Variants in TNKS observed in about 807,000 individuals in gnomAD.
TNKS encodes tankyrase.
Under a neutral mutation model 135.8 loss-of-function variants are expected in TNKS, and 72 were observed. That is an observed-to-expected ratio of 0.53 (90% CI 0.44 to 0.64). The LOEUF is 0.64. Ranked by LOEUF, TNKS falls within the 30% of genes least tolerant of loss-of-function variation. TNKS has a pLI of 0.00. For missense variants in TNKS, 1,769 were observed against 1,674.0 expected (o/e 1.06, Z -0.99); for synonymous variants, 849 against 649.3 (o/e 1.31, Z -4.68).
At chr8:9,694,828 A>G (rs1803440739) in intron 5 of TNKS, among the ~76,000 whole-genome samples, 1 of 152,054 alleles carries the variant, frequency 6.6e-6, no homozygotes, top group Non-Finnish European at 1.5e-5. Context: ...TATATGGAAC[A>G]TTGGTATTTT....
At chr8:9,586,011 G>C (rs905258566) in intron 2 of TNKS, among the ~76,000 whole-genome samples, 6 of 152,024 alleles carry the variant, frequency 3.9e-5, no homozygotes, top group Non-Finnish European at 7.4e-5. Context: ...TTGTTAAGAG[G>C]ATTAAATGAG....
At chr8:9,601,114 CATAT>C (rs1798999883) in intron 2 of TNKS, among the ~76,000 whole-genome samples, 2 of 152,036 alleles carry the variant, frequency 1.3e-5, no homozygotes, top group Admixed American at 1.3e-4. Flanking sequence ...AAAAATAACA[CATAT>C]ATGTAATAAA....
chr8:9,726,538 C>G (rs1296011017), intron 12 of TNKS, 103 bp from the exon 13 acceptor site: 4 of 750,630 alleles, frequency 5.3e-6, no homozygotes, highest in African/African-American at 1.8e-5. Flanking sequence ...TCCTCCTGAA[C>G]TACTTTGCAA....
chr8:9,560,523 T>C (rs967658691), intron 1 of TNKS, among the ~76,000 whole-genome samples: 16 of 124,190 alleles, frequency 1.3e-4, no homozygotes, highest in Non-Finnish European at 1.9e-4. Context: ...TTTTTTTTTT[T>C]CATTTCTCGC....
intron 1 of TNKS, among the ~76,000 whole-genome samples, chr8:9,571,655 C>T (rs1207540028): frequency 6.6e-6 from 1 of 152,092 alleles, no homozygotes; most frequent in Non-Finnish European, 1.5e-5. Context: ...GACGGGGTTT[C>T]ACCGTGTTAG....
At chr8:9,754,342 T>C (rs938387928) in intron 20 of TNKS, among the ~76,000 whole-genome samples, 6 of 152,222 alleles carry the variant, frequency 3.9e-5, no homozygotes, top group Non-Finnish European at 7.3e-5. Context: ...AGAATAAATC[T>C]GTTTTTTCAA....
intron 2 of TNKS, among the ~76,000 whole-genome samples, chr8:9,612,724 T>C (rs1391355929): frequency 2.0e-5 from 3 of 152,178 alleles, no homozygotes; most frequent in African/African-American, 7.2e-5. Context: ...ATGAGGACCC[T>C]TGAACAATGC....
chr8:9,577,493 C>A (rs915224365), intron 1 of TNKS, among the ~76,000 whole-genome samples: 1 of 151,830 alleles, frequency 6.6e-6, no homozygotes, highest in Non-Finnish European at 1.5e-5. Flanking sequence ...ACAGTCGTGA[C>A]GGGAGGTGAA....
chr8:9,682,565 C>T (rs1802826247), intron 5 of TNKS, among the ~76,000 whole-genome samples: 1 of 152,008 alleles, frequency 6.6e-6, no homozygotes, highest in South Asian at 2.1e-4. Context: ...TACTCTGTGG[C>T]ACTTAGAGTT....
At chr8:9,659,988 A>G (rs1801617320) in intron 3 of TNKS, among the ~76,000 whole-genome samples, 2 of 152,256 alleles carry the variant, frequency 1.3e-5, no homozygotes, top group Non-Finnish European at 2.9e-5. Flanking sequence ...AAAATCTAGA[A>G]GAAATGGATA....
intron 1 of TNKS, among the ~76,000 whole-genome samples, chr8:9,578,091 G>A (rs1018977970): frequency 6.6e-6 from 1 of 152,188 alleles, no homozygotes; most frequent in East Asian, 1.9e-4. Context: ...AACACAAGGG[G>A]TGGGCTCCCA....
chr8:9,713,797 T>TA (rs890490240), intron 11 of TNKS, among the ~76,000 whole-genome samples: 1 of 152,204 alleles, frequency 6.6e-6, no homozygotes, highest in African/African-American at 2.4e-5. Context: ...TAATGTGTTG[T>TA]AAAAAACTCC....
intron 20 of TNKS, among the ~76,000 whole-genome samples, chr8:9,756,631 A>G (rs1205732909): frequency 6.6e-6 from 1 of 152,168 alleles, no homozygotes; most frequent in Non-Finnish European, 1.5e-5. Context: ...CAACATGTCT[A>G]AAATCCAACT....
At chr8:9,710,567 T>G (rs961418841) in intron 11 of TNKS, among the ~76,000 whole-genome samples, 1 of 152,208 alleles carries the variant, frequency 6.6e-6, no homozygotes, top group African/African-American at 2.4e-5. Context: ...ATAAATTATG[T>G]TAAATGATAG....
chr8:9,666,301 T>G, intron 3 of TNKS, among the ~76,000 whole-genome samples: 1 of 152,144 alleles, frequency 6.6e-6, no homozygotes, highest in East Asian at 1.9e-4. Context: ...CTACTGGAAG[T>G]TTACAATTAC....
rs1426100823 is a variant in TNKS, at chr8:9,778,158, C to A, written c.*1422C>A. On this transcript the variant is annotated 3_prime_UTR_variant, in exon 27 of 27. Coordinates refer to ENST00000310430, the MANE Select transcript of TNKS (RefSeq NM_003747.3). ...ATTGACATTTATAAAAAAAAATGAT[C>A]CTTTATAGTTCTTACACTTGCCCTT... 6.6e-6 allele frequency: 1 copy of A among 152,500 alleles called. No individual in the cohort carries two copies. The highest frequency in any genetic ancestry group is 1.5e-5 in the Non-Finnish European group (1 of 68,024). 9.4% of individuals were successfully genotyped at this position (152,500 alleles called of 1,614,324 possible). A position where few individuals can be genotyped will look rare whatever the true frequency, so the allele number is the denominator to read the frequency against.
intron 12 of TNKS, 103 bp downstream of exon 12, chr8:9,720,648 C>A: frequency 1.5e-6 from 2 of 1,318,370 alleles, no homozygotes; most frequent in African/African-American, 1.5e-5. Context: ...AAGTTTTTCT[C>A]ATGTCTTTTC....
intron 1 of TNKS, among the ~76,000 whole-genome samples, chr8:9,579,686 C>G (rs964123003): frequency 2.0e-5 from 3 of 152,132 alleles, no homozygotes; most frequent in Admixed American, 1.3e-4. Flanking sequence ...CCAGGCTGGT[C>G]TTGAACTCCT....
intron 2 of TNKS, among the ~76,000 whole-genome samples, chr8:9,602,145 C>G (rs1404403831): frequency 1.3e-5 from 2 of 152,140 alleles, no homozygotes; most frequent in South Asian, 2.1e-4. Flanking sequence ...CAGGACAGCT[C>G]CCCGCCGTTA....
Sources: allele counts gnomAD v4.1 joint callset (sites outside exome capture counted in the v4.1 genomes callset), GRCh38; gene constraint gnomAD v4.1.1; transcripts MANE v1.5; gene names NCBI Gene and HGNC (gene_info 2026-07-23, HGNC 2026-07-21).